Variants in MNAT1 observed in about 807,000 individuals in gnomAD.
The protein encoded by MNAT1 is MNAT1 component of CDK activating kinase, also known as CDK-activating kinase assembly factor MAT1.
Under a neutral mutation model 42.0 loss-of-function variants are expected in MNAT1, and 43 were observed. The observed-to-expected ratio is 1.02, with a 90% CI of 0.80 to 1.32. The LOEUF is 1.32. MNAT1 is among the 40% of genes most tolerant of loss of function. The probability of loss-of-function intolerance (pLI) is 0.00; values close to 1 mark genes in which losing one functional copy is unlikely to be tolerated. For missense variants in MNAT1, 306 were observed against 350.4 expected (o/e 0.87, Z 1.01); for synonymous variants, 118 against 120.0 (o/e 0.98, Z 0.11).
At chr14:60,816,249 A>C (rs1395457919) in intron 5 of MNAT1, among the ~76,000 whole-genome samples, 1 of 152,076 alleles carries the variant, frequency 6.6e-6, no homozygotes, top group Admixed American at 6.5e-5. Flanking sequence ...TATGGTCTTA[A>C]TGTTTATGGC....
chr14:60,903,721 A>G (rs759835503), intron 7 of MNAT1, among the ~76,000 whole-genome samples: 2 of 152,160 alleles, frequency 1.3e-5, no homozygotes, highest in Non-Finnish European at 2.9e-5. Context: ...AGAATGTGGC[A>G]TTCTGTATAC....
At chr14:60,887,281 C>T (rs1037496701) in intron 7 of MNAT1, among the ~76,000 whole-genome samples, 1 of 151,276 alleles carries the variant, frequency 6.6e-6, no homozygotes, top group African/African-American at 2.4e-5. Flanking sequence ...GGTACATGTG[C>T]ACAATGTGCA....
At chr14:60,881,153 G>C (rs549458510) in intron 7 of MNAT1, among the ~76,000 whole-genome samples, 1 of 151,962 alleles carries the variant, frequency 6.6e-6, no homozygotes, top group East Asian at 1.9e-4. Flanking sequence ...CTTATGTCCG[G>C]GTAGCTTTCT....
At chr14:60,784,497 G>A (rs956891918) in intron 1 of MNAT1, among the ~76,000 whole-genome samples, 1 of 150,796 alleles carries the variant, frequency 6.6e-6, no homozygotes, top group Admixed American at 6.6e-5. Flanking sequence ...TTTTTCCCCC[G>A]CAAGACAGAG....
intron 4 of MNAT1, among the ~76,000 whole-genome samples, chr14:60,809,917 G>A (rs1161385897): frequency 1.3e-5 from 2 of 152,026 alleles, no homozygotes; most frequent in Non-Finnish European, 2.9e-5. Flanking sequence ...TTTTAGAAAG[G>A]TTTGAGAAGG....
intron 6 of MNAT1, among the ~76,000 whole-genome samples, chr14:60,837,837 A>G (rs1057483666): frequency 1.2e-4 from 18 of 152,202 alleles, no homozygotes; most frequent in African/African-American, 4.3e-4. Context: ...AATATTCTTA[A>G]AAGGAGCAAG....
At chr14:60,840,987 A>G (rs1055463094) in intron 6 of MNAT1, among the ~76,000 whole-genome samples, 2 of 152,126 alleles carry the variant, frequency 1.3e-5, no homozygotes, top group Non-Finnish European at 2.9e-5. Flanking sequence ...AATTGCTCAG[A>G]GTGTGGTCTG....
intron 1 of MNAT1, among the ~76,000 whole-genome samples, chr14:60,761,292 CCAAT>C (rs1162086021): frequency 6.6e-6 from 1 of 152,126 alleles, no homozygotes; most frequent in Non-Finnish European, 1.5e-5. Flanking sequence ...TCTGGGGTCA[CCAAT>C]CATTTGATAT....
At chr14:60,838,195 G>A (rs1431139409) in intron 6 of MNAT1, among the ~76,000 whole-genome samples, 3 of 151,860 alleles carry the variant, frequency 2.0e-5, no homozygotes, top group Non-Finnish European at 4.4e-5. Flanking sequence ...AAGGCAGTGG[G>A]GGCGATCACT....
chr14:60,797,182 C>T (rs2032046449), intron 2 of MNAT1, among the ~76,000 whole-genome samples: 1 of 152,132 alleles, frequency 6.6e-6, no homozygotes, highest in Non-Finnish European at 1.5e-5. Context: ...TTAGCAGCAT[C>T]TTTCTAGGTA....
chr14:60,938,164 A>G (rs1056779991), intron 7 of MNAT1, among the ~76,000 whole-genome samples: 2 of 152,198 alleles, frequency 1.3e-5, no homozygotes, highest in African/African-American at 4.8e-5. Flanking sequence ...CAATCATGTC[A>G]TCTGCAAACA....
rs372843498 is a variant in MNAT1 at position 60,829,856 on chromosome 14, T to A, written c.687+11009T>A. On this transcript the variant is annotated intron_variant, in intron 6 of 7. Transcript: ENST00000261245. ...CTGTATACTGCATTGCTTAATGTAATGAGGCAGATTTCAGCTTTATAGATA... is the reference window on the plus strand; with the variant it reads ...CTGTATACTGCATTGCTTAATGTAAAGAGGCAGATTTCAGCTTTATAGATA... 5.9e-4 allele frequency among the ~76,000 whole-genome samples: 90 copies of A among 152,326 alleles called. No homozygotes were observed. In the Middle Eastern group the frequency reaches 0.01, roughly 17 times the overall value.
chr14:60,786,190 G>A (rs2140318276), intron 1 of MNAT1, among the ~76,000 whole-genome samples: 1 of 151,806 alleles, frequency 6.6e-6, no homozygotes, highest in East Asian at 1.9e-4. Context: ...TCTTTAAAAG[G>A]GCCTTTATAC....
At chr14:60,808,687 C>T (rs1321896281) in intron 4 of MNAT1, 1 of 202,524 alleles carries the variant, frequency 4.9e-6, no homozygotes, top group Non-Finnish European at 1.0e-5. Context: ...ATTGTTAACG[C>T]TAGTTTTATC....
chr14:60,960,165 C>T (rs2036562613), intron 7 of MNAT1, among the ~76,000 whole-genome samples: 1 of 152,018 alleles, frequency 6.6e-6, no homozygotes, highest in South Asian at 2.1e-4. Flanking sequence ...AAATAGGTTA[C>T]CTTGTCTCTG....
intron 7 of MNAT1, among the ~76,000 whole-genome samples, chr14:60,922,822 C>T (rs927185415): frequency 1.3e-5 from 2 of 152,048 alleles, no homozygotes; most frequent in Admixed American, 1.3e-4. Context: ...GAAAGTTAAA[C>T]CCAGGAGATT....
chr14:60,780,004 G>T, intron 1 of MNAT1: 1 of 1,567,166 alleles, frequency 6.4e-7, no homozygotes, highest in Non-Finnish European at 8.8e-7. Flanking sequence ...CCCGGGAGCA[G>T]GGAATCACCC....
intron 6 of MNAT1, among the ~76,000 whole-genome samples, chr14:60,819,081 T>A (rs2032804490): frequency 6.6e-6 from 1 of 152,090 alleles, no homozygotes; most frequent in Non-Finnish European, 1.5e-5. Context: ...ATGACTTTCT[T>A]ACTCTACTTA....
chr14:60,854,731 C>T lies in MNAT1; in HGVS notation c.688-24983C>T, dbSNP rs145066667. On this transcript the variant is annotated intron_variant, in intron 6 of 7. Transcript: ENST00000261245. ...GCCTGAGCTCTCCTGTATGACGTGT[C>T]TGTTGACCTCTGTTGGGAGGTGTCT... is the stretch of plus-strand genomic sequence containing the variant. Among the ~76,000 whole-genome samples the T allele has an allele frequency of 1.3e-4, 20 of 152,334 alleles. No individual in the cohort carries two copies. The East Asian group carries it at 3.7e-3, about 28-fold the overall frequency.
Sources: gnomAD v4.1 joint callset for allele counts (sites outside exome capture counted in the v4.1 genomes callset) on GRCh38, gnomAD v4.1.1 for gene constraint, MANE v1.5 for transcripts, NCBI Gene and HGNC (gene_info 2026-07-23, HGNC 2026-07-21) for gene names.